KIF11: variants seen among roughly 807,000 people sequenced by gnomAD.
The protein encoded by KIF11 is kinesin family member 11.
In KIF11, 9 loss-of-function variants were observed where a neutral mutation model predicts 121.0. The observed-to-expected ratio is 0.07, with a 90% CI of 0.04 to 0.13. The LOEUF (loss-of-function observed/expected upper bound fraction) is 0.13. Ranked by LOEUF, KIF11 falls within the 10% of genes least tolerant of loss-of-function variation. The pLI, the probability that KIF11 is intolerant of heterozygous loss-of-function variation, is 1.00. For missense variants in KIF11, 846 were observed against 1,217.5 expected (o/e 0.69, Z 4.54); for synonymous variants, 408 against 421.0 (o/e 0.97, Z 0.38).
intron 1 of KIF11, among the ~76,000 whole-genome samples, chr10:92,599,084 G>C (rs1844334914): frequency 6.6e-6 from 1 of 150,658 alleles, no homozygotes. Context: ...GGCCTCAGCA[G>C]TGTTTTATAG....
chr10:92,632,689 A>G lies in KIF11; in HGVS notation c.1698A>G (p.Leu566=). The G allele has an allele frequency of 6.3e-7, 1 of 1,594,970 alleles. No homozygotes were observed. Among genetic ancestry groups the G allele is most frequent in the East Asian group, 2.2e-5 (1 of 44,682 alleles). ...CCATGCTAGAAGTACATAAGACCTTATTTGGTAAGTTCAGGCTGTTCTGTT... is the reference window on the plus strand; with the variant it reads ...CCATGCTAGAAGTACATAAGACCTTGTTTGGTAAGTTCAGGCTGTTCTGTT... ...QKAMLEVHKT[L]FGNLLSSSVS... Residue 566 remains leucine (L), a synonymous_variant, in exon 13 of 22, where the codon TTA becomes TTG. Coordinates refer to ENST00000260731, the MANE Select transcript of KIF11 (RefSeq NM_004523.4).
intron 1 of KIF11, among the ~76,000 whole-genome samples, chr10:92,601,937 T>C (rs1844378261): frequency 6.6e-6 from 1 of 152,168 alleles, no homozygotes; most frequent in Non-Finnish European, 1.5e-5. Flanking sequence ...TTGAGGTAGT[T>C]TCACTCTATT....
intron 1 of KIF11, 94 bp downstream of exon 1, chr10:92,593,546 C>T: frequency 9.5e-7 from 1 of 1,053,120 alleles, no homozygotes; most frequent in Non-Finnish European, 1.4e-6. Context: ...TTTGCATTTC[C>T]TGAGGGTCCC....
At chr10:92,610,203 A>C (rs1564705649) in intron 6 of KIF11, among the ~76,000 whole-genome samples, 1 of 152,030 alleles carries the variant, frequency 6.6e-6, no homozygotes, top group Non-Finnish European at 1.5e-5. Flanking sequence ...CCCCCTACTG[A>C]TATTAGAATA....
At chr10:92,637,976 CAT>C (rs1241514091) in intron 16 of KIF11, among the ~76,000 whole-genome samples, 1 of 152,182 alleles carries the variant, frequency 6.6e-6, no homozygotes, top group African/African-American at 2.4e-5. Flanking sequence ...ACATTTAAAA[CAT>C]AGTAAATCGA....
In KIF11 at chr10:92,652,565, G is replaced by A. The variant is rs111818059; in HGVS notation, c.3040-1100G>A. ...TAAATTCCTCCCTGTCTTCCTCTGG[G>A]CAATTTTATTCCCAAATTCTTGCCA... On this transcript the variant is annotated intron_variant, in intron 21 of 21. Coordinates refer to ENST00000260731, the MANE Select transcript of KIF11 (RefSeq NM_004523.4). 4.0e-3 allele frequency among the ~76,000 whole-genome samples: 606 copies of A among 152,188 alleles called. 4 individuals are homozygous for A. Among genetic ancestry groups the A allele is most frequent in the African/African-American group, 0.014 (564 of 41,516 alleles).
intron 9 of KIF11, among the ~76,000 whole-genome samples, chr10:92,620,666 T>C (rs1425208010): frequency 6.6e-6 from 1 of 152,180 alleles, no homozygotes; most frequent in East Asian, 1.9e-4. Context: ...TAGTTCCACA[T>C]GTCTGGGGAG....
intron 10 of KIF11, among the ~76,000 whole-genome samples, chr10:92,627,739 G>A (rs1446558432): frequency 2.6e-5 from 4 of 152,148 alleles, no homozygotes; most frequent in Non-Finnish European, 5.9e-5. Flanking sequence ...AGATGAAAAA[G>A]TGGTGATCTC....
intron 6 of KIF11, among the ~76,000 whole-genome samples, chr10:92,612,582 G>GC (rs1218613786): frequency 6.6e-6 from 1 of 152,212 alleles, no homozygotes; most frequent in African/African-American, 2.4e-5. Context: ...CAGTCTCAAA[G>GC]CAGAGAAGTG....
rs114304421 is a variant in KIF11, at chr10:92,640,725, C to T, written c.2267+825C>T. ...GATTGCAGGCGTGAGCCACCACGCC[C>T]GGCTCTGTTTTGTTTTTTCAGACAA... On this transcript the variant is annotated intron_variant, in intron 17 of 21. Coordinates refer to ENST00000260731, the MANE Select transcript of KIF11 (RefSeq NM_004523.4). Among the ~76,000 whole-genome samples the T allele has an allele frequency of 9.0e-3, 1,377 of 152,172 alleles. 23 individuals carry two copies. The highest frequency in any genetic ancestry group is 0.03 in the African/African-American group (1,240 of 41,498).
In KIF11 at chr10:92,645,392, C is replaced by G; in HGVS notation, c.2297C>G (p.Thr766Ser). 6.2e-7 allele frequency: 1 copy of G among 1,612,116 alleles called. No homozygotes were observed. Residue 766 changes from threonine (T) to serine (S), a missense_variant, in exon 18 of 22, where the codon ACT becomes AGT. Coordinates refer to ENST00000260731, the MANE Select transcript of KIF11 (RefSeq NM_004523.4). Reference sequence around the variant, plus strand: ...TCTAAGGATATAGTCAACAAAATGACTTTTCACAGTCAAAAATTTTGTGCT... The same window carrying G: ...TCTAAGGATATAGTCAACAAAATGAGTTTTCACAGTCAAAAATTTTGTGCT... ...QKSKDIVNKMTFHSQKFCADS... is the reference protein window; with the variant it reads ...QKSKDIVNKMSFHSQKFCADS...
At chr10:92,636,664 G>T (rs954300252) in intron 14 of KIF11, among the ~76,000 whole-genome samples, 1 of 151,804 alleles carries the variant, frequency 6.6e-6, no homozygotes, top group Admixed American at 6.6e-5. Context: ...CTTGAAAAAA[G>T]AGAAATTATT....
chr10:92,621,611 T>TGTGTGTGTGTGTGTGTG, intron 10 of KIF11, 138 bp downstream of exon 10: 210 of 578,700 alleles, frequency 3.6e-4, no homozygotes, highest in Middle Eastern at 1.5e-3. Flanking sequence ...TGTGTGTGTG[T>TGTGTGTGTGTGTGTGTG]TTTCTTTTGA....
chr10:92,640,700 G>A (rs1340954292), intron 17 of KIF11, among the ~76,000 whole-genome samples: 1 of 152,182 alleles, frequency 6.6e-6, no homozygotes, highest in East Asian at 1.9e-4. Flanking sequence ...AAAGTGCTGG[G>A]ATTGCAGGCG....
intron 10 of KIF11, 138 bp downstream of exon 10, chr10:92,621,611 T>TGTG: frequency 1.7e-6 from 1 of 578,740 alleles, no homozygotes; most frequent in South Asian, 2.0e-5. Context: ...TGTGTGTGTG[T>TGTG]TTTCTTTTGA....
At chr10:92,633,598 ATCTT>A in intron 13 of KIF11, 21 bp from the exon 14 acceptor site, 2 of 1,535,932 alleles carry the variant, frequency 1.3e-6, no homozygotes, top group Non-Finnish European at 1.8e-6. Flanking sequence ...CAAAGTTTAC[ATCTT>A]TCTGTTTTTG....
At chr10:92,608,893 T>C in intron 4 of KIF11, 127 bp from the exon 5 acceptor site, 1 of 547,598 alleles carries the variant, frequency 1.8e-6, no homozygotes, top group South Asian at 3.3e-5. Flanking sequence ...AGTTGTTTCT[T>C]TTTTTGTTTT....
At chr10:92,608,915 C>T in intron 4 of KIF11, 105 bp from the exon 5 acceptor site, 1 of 605,322 alleles carries the variant, frequency 1.7e-6, no homozygotes, top group Non-Finnish European at 2.7e-6. Context: ...TTTTAACTTG[C>T]TTTGCCATAC....
intron 1 of KIF11, among the ~76,000 whole-genome samples, chr10:92,602,064 T>C (rs1331446274): frequency 6.6e-6 from 1 of 152,200 alleles, no homozygotes; most frequent in Non-Finnish European, 1.5e-5. Context: ...GTATATTACA[T>C]TGATCAATTT....
Sources: allele counts gnomAD v4.1 joint callset (sites outside exome capture counted in the v4.1 genomes callset), GRCh38; gene constraint gnomAD v4.1.1; transcripts MANE v1.5; gene names NCBI Gene and HGNC (gene_info 2026-07-23, HGNC 2026-07-21).